The following STOX2 variants were observed in gnomAD, a reference collection of about 807,000 sequenced individuals.
STOX2 encodes storkhead box 2, also known as storkhead-box protein 2.
In STOX2, 28 loss-of-function variants were observed where a neutral mutation model predicts 60.9. That is an observed-to-expected ratio of 0.46 (90% confidence interval 0.34 to 0.63). The LOEUF (loss-of-function observed/expected upper bound fraction) is 0.63. Among genes scored for constraint, STOX2 ranks in the 30% least tolerant of loss-of-function variants. STOX2 has a pLI of 0.01. For missense variants in STOX2, 1,024 were observed against 1,187.7 expected, an observed-to-expected ratio of 0.86 and a Z score of 2.03; for synonymous variants, 472 against 463.9, an observed-to-expected ratio of 1.02 and a Z score of -0.22.
At chr4:183,908,520 T>C (rs4861581) in intron 1 of STOX2, among the ~76,000 whole-genome samples, 148,132 of 151,706 alleles carry the variant, frequency 0.98, 72,424 homozygotes, top group Middle Eastern at 1. Flanking sequence ...TATAGGAGGG[T>C]TGGTGGCCAT....
chr4:183,866,601 C>T (rs916800816), intron 1 of STOX2, among the ~76,000 whole-genome samples: 7 of 152,248 alleles, frequency 4.6e-5, no homozygotes, highest in Admixed American at 1.3e-4. Flanking sequence ...TGCCAGATCC[C>T]GGCAATGATG....
chr4:183,858,639 A>G (rs1740359983), intron 1 of STOX2, among the ~76,000 whole-genome samples: 1 of 152,172 alleles, frequency 6.6e-6, no homozygotes, highest in Non-Finnish European at 1.5e-5. Context: ...GGGACGGGAA[A>G]ACCACACATT....
rs113842044 is a variant in STOX2, at chr4:183,856,291, C to T, written c.364+58236C>T. Among the ~76,000 whole-genome samples the T allele has an allele frequency of 4.8e-3, 723 of 152,030 alleles. 8 individuals carry two copies. Among genetic ancestry groups the T allele is most frequent in the African/African-American group, 0.017 (693 of 41,500 alleles). On this transcript the variant is annotated intron_variant, in intron 1 of 2. Coordinates refer to the STOX2 transcript ENST00000513034. This position sits in a 1 kb window ranked among gnomAD's most constrained non-coding sequence, Gnocchi z 4.0. ...AGACGAGCCTATGAACTAAAAAAAT[C>T]TGCACCATTAATTAAAGAAATGGCA...
intron 1 of STOX2, among the ~76,000 whole-genome samples, chr4:183,929,710 G>A (rs1030681577): frequency 2.0e-5 from 3 of 152,164 alleles, no homozygotes; most frequent in Non-Finnish European, 4.4e-5. Context: ...CCATTTAGCA[G>A]TATTGTATGC....
At chr4:183,923,061 C>T (rs1433094212) in intron 1 of STOX2, among the ~76,000 whole-genome samples, 1 of 152,192 alleles carries the variant, frequency 6.6e-6, no homozygotes. Context: ...CACTATTTTG[C>T]TCTTGTGAAG....
intron 1 of STOX2, among the ~76,000 whole-genome samples, chr4:183,885,657 A>G (rs1009841437): frequency 2.6e-5 from 4 of 152,170 alleles, no homozygotes; most frequent in South Asian, 2.1e-4. Context: ...GAGTTTCTGT[A>G]TCTCCCTTCA....
At chr4:184,000,159 C>T (rs925174283) in intron 1 of STOX2, among the ~76,000 whole-genome samples, 2 of 152,202 alleles carry the variant, frequency 1.3e-5, no homozygotes, top group Non-Finnish European at 2.9e-5. Context: ...ACTTTCCTGC[C>T]CTCCCAGCCT....
At chr4:183,855,431 A>G (rs776167627) in intron 1 of STOX2, among the ~76,000 whole-genome samples, 2 of 152,188 alleles carry the variant, frequency 1.3e-5, no homozygotes, top group Non-Finnish European at 2.9e-5. Flanking sequence ...GATTGCTTCA[A>G]TACACTAAAT....
intron 1 of STOX2, among the ~76,000 whole-genome samples, chr4:183,959,600 C>T (rs1016372277): frequency 2.0e-5 from 3 of 152,314 alleles, no homozygotes; most frequent in Middle Eastern, 3.4e-3. Flanking sequence ...ACAAGATCTT[C>T]TCGCTGTGCT....
chr4:184,006,756 TAAAA>T (rs1288101455), intron 2 of STOX2, among the ~76,000 whole-genome samples: 1 of 145,398 alleles, frequency 6.9e-6, no homozygotes, highest in African/African-American at 2.5e-5. Flanking sequence ...ATTATAAAAT[TAAAA>T]AACACCAGCA....
At chr4:183,860,631 A>G (rs922368159) in intron 1 of STOX2, among the ~76,000 whole-genome samples, 2 of 152,236 alleles carry the variant, frequency 1.3e-5, no homozygotes, top group African/African-American at 4.8e-5. Context: ...AAAGTATCTC[A>G]TTATGCGAGA....
chr4:183,934,891 C>G (rs1001388973), intron 1 of STOX2, among the ~76,000 whole-genome samples: 1 of 152,212 alleles, frequency 6.6e-6, no homozygotes, highest in African/African-American at 2.4e-5. Flanking sequence ...GCTGCTTCGC[C>G]TCTTGGGGGT....
intron 1 of STOX2, among the ~76,000 whole-genome samples, chr4:183,961,501 G>A (rs1384298218): frequency 6.6e-6 from 1 of 152,188 alleles, no homozygotes; most frequent in East Asian, 1.9e-4. Flanking sequence ...TACAAGGCCA[G>A]CTAGCAAGAA....
chr4:183,992,039 C>T (rs9312319), intron 1 of STOX2, among the ~76,000 whole-genome samples: 83,195 of 151,956 alleles, frequency 0.55, 23,190 homozygotes, highest in African/African-American at 0.67. Flanking sequence ...GCGACTTAGA[C>T]GTTTCCTCTG....
intron 1 of STOX2, among the ~76,000 whole-genome samples, chr4:183,871,536 C>G (rs1296767958): frequency 6.6e-6 from 1 of 152,006 alleles, no homozygotes; most frequent in Non-Finnish European, 1.5e-5. Flanking sequence ...AACCATTGCT[C>G]AGAAAAATAG....
intron 1 of STOX2, among the ~76,000 whole-genome samples, chr4:183,926,490 A>C (rs558092258): frequency 3.9e-5 from 6 of 152,362 alleles, no homozygotes; most frequent in African/African-American, 1.2e-4. Flanking sequence ...TTTACTGATA[A>C]AGAATTTGTG....
upstream of STOX2, among the ~76,000 whole-genome samples, chr4:183,904,427 G>T (rs532112732): frequency 1.3e-4 from 20 of 152,102 alleles, no homozygotes; most frequent in Admixed American, 2.0e-4. Context: ...TTACAGGAAA[G>T]AAGACATTGA....
At chr4:183,996,795 T>A (rs1733364779) in intron 1 of STOX2, among the ~76,000 whole-genome samples, 1 of 152,234 alleles carries the variant, frequency 6.6e-6, no homozygotes, top group Non-Finnish European at 1.5e-5. Context: ...GTTATAAAGT[T>A]ATTTTTCTAT....
chr4:184,017,498 CAGT>C lies in STOX2; in HGVS notation c.*217_*219del. On this transcript the variant is annotated 3_prime_UTR_variant, in exon 4 of 4. Coordinates refer to ENST00000308497, the MANE Select transcript of STOX2 (RefSeq NM_020225.3). ...TTATGGCTCTGTAGCAACTGAGTAACAGTAGGGGTGATATGTATACTTTTGCTT... is the reference window on the plus strand; with the variant it reads ...TTATGGCTCTGTAGCAACTGAGTAACAGGGGTGATATGTATACTTTTGCTT... 4.1e-6 allele frequency: 2 copies of C among 489,338 alleles called. No individual in the cohort carries two copies. The highest frequency in any genetic ancestry group is 3.0e-5 in the South Asian group (1 of 33,692). The allele number at this position is 489,338 out of a possible 1,614,324, so 30.3% of individuals were successfully genotyped here.
Sources: allele counts gnomAD v4.1 joint callset (sites outside exome capture counted in the v4.1 genomes callset), GRCh38; gene constraint gnomAD v4.1.1; non-coding constraint Gnocchi (gnomAD v3.1); transcripts MANE v1.5; gene names NCBI Gene and HGNC (gene_info 2026-07-23, HGNC 2026-07-21).